The following RAB31 variants were observed in gnomAD, a reference collection of about 807,000 sequenced individuals.
RAB31 encodes RAB31, member RAS oncogene family.
In RAB31, 21 loss-of-function variants were observed where a neutral mutation model predicts 25.6. The ratio of observed to expected loss-of-function variants is 0.82; its 90% CI spans 0.58 to 1.18. RAB31 has a LOEUF of 1.18. Ranked by LOEUF, RAB31 falls within the 50% of genes most tolerant of loss-of-function variation. The pLI is 0.00. For missense variants in RAB31, 196 were observed against 250.1 expected, an observed-to-expected ratio of 0.78 and a Z score of 1.46; for synonymous variants, 87 against 84.0, an observed-to-expected ratio of 1.04 and a Z score of -0.20.
At chr18:9,741,582 G>A (rs1388715741) in intron 1 of RAB31, among the ~76,000 whole-genome samples, 1 of 152,048 alleles carries the variant, frequency 6.6e-6, no homozygotes, top group Non-Finnish European at 1.5e-5. Flanking sequence ...TTTCTGTGCT[G>A]GGAGGAAGGG....
At chr18:9,720,536 G>A (rs2068068781) in intron 1 of RAB31, among the ~76,000 whole-genome samples, 1 of 152,046 alleles carries the variant, frequency 6.6e-6, no homozygotes, top group Admixed American at 6.5e-5. Context: ...GTGCGGAGGG[G>A]GCGTGTCTGG....
intron 6 of RAB31, among the ~76,000 whole-genome samples, chr18:9,857,348 G>A (rs1333150489): frequency 6.6e-6 from 1 of 152,000 alleles, no homozygotes; most frequent in East Asian, 1.9e-4. Context: ...GGGTGTTTTG[G>A]TGCTCTATAT....
At chr18:9,821,768 C>A (rs2068625568) in intron 5 of RAB31, among the ~76,000 whole-genome samples, 1 of 152,002 alleles carries the variant, frequency 6.6e-6, no homozygotes, top group South Asian at 2.1e-4. Context: ...TATATAGGAG[C>A]TGTATGCTGA....
intron 1 of RAB31, 128 bp from the exon 2 acceptor site, chr18:9,775,150 T>C: frequency 7.0e-7 from 1 of 1,438,438 alleles, no homozygotes; most frequent in East Asian, 2.5e-5. Context: ...ATCCCCCCAC[T>C]CCCTCTCCCA....
intron 5 of RAB31, among the ~76,000 whole-genome samples, chr18:9,830,015 T>TTAA (rs201860083): frequency 4.0e-5 from 6 of 150,814 alleles, no homozygotes; most frequent in Non-Finnish European, 8.9e-5. Flanking sequence ...AATATTATTA[T>TTAA]TATTATTATT....
At chr18:9,840,168 G>A (rs1055457936) in intron 5 of RAB31, among the ~76,000 whole-genome samples, 1 of 152,194 alleles carries the variant, frequency 6.6e-6, no homozygotes, top group African/African-American at 2.4e-5. Context: ...GACAGGGCTG[G>A]CCTGGGGGGA....
chr18:9,773,649 C>T (rs1045725829), intron 1 of RAB31, among the ~76,000 whole-genome samples: 2 of 152,076 alleles, frequency 1.3e-5, no homozygotes, highest in Non-Finnish European at 2.9e-5. Context: ...TTAATTTCTG[C>T]CATCATATTT....
chr18:9,816,454 C>G (rs2215498), intron 5 of RAB31, among the ~76,000 whole-genome samples: 77,546 of 152,118 alleles, frequency 0.51, 20,673 homozygotes, highest in East Asian at 0.97. Context: ...CACAATTTTA[C>G]TAACACTTTC....
chr18:9,775,486 C>G, intron 2 of RAB31, 129 bp downstream of exon 2: 1 of 1,476,438 alleles, frequency 6.8e-7, no homozygotes, highest in Non-Finnish European at 9.1e-7. Flanking sequence ...TCAATCCCAG[C>G]TGTAGACCGA....
At chr18:9,812,922 C>T (rs1238143018) in intron 3 of RAB31, among the ~76,000 whole-genome samples, 1 of 151,560 alleles carries the variant, frequency 6.6e-6, no homozygotes, top group Non-Finnish European at 1.5e-5. Context: ...TTCTCAAACT[C>T]CTGACCTCGG....
At chr18:9,737,945 A>G (rs1282070858) in intron 1 of RAB31, among the ~76,000 whole-genome samples, 1 of 152,200 alleles carries the variant, frequency 6.6e-6, no homozygotes, top group Non-Finnish European at 1.5e-5. Context: ...GCTAACCAAC[A>G]AGACAGGCTT....
intron 1 of RAB31, among the ~76,000 whole-genome samples, chr18:9,740,230 CAT>C (rs1452223429): frequency 6.6e-6 from 1 of 152,232 alleles, no homozygotes; most frequent in Non-Finnish European, 1.5e-5. Context: ...TAATGCCAGT[CAT>C]ATGATGAGTT....
At chr18:9,797,133 T>G (rs2068490282) in intron 3 of RAB31, among the ~76,000 whole-genome samples, 1 of 152,226 alleles carries the variant, frequency 6.6e-6, no homozygotes, top group Non-Finnish European at 1.5e-5. Context: ...AGTCCTCAAA[T>G]GAGGTGACCC....
At position 9,861,348 on chromosome 18, in the gene RAB31, C is replaced by T. The variant is rs914088559; in HGVS notation, c.*2023C>T. 1 of 152,166 alleles carries T rather than the reference C, an allele frequency of 6.6e-6. No individual in the cohort carries two copies. Among genetic ancestry groups the T allele is most frequent in the African/African-American group, 2.4e-5 (1 of 41,418 alleles). 9.4% of individuals were successfully genotyped at this position (152,166 alleles called of 1,614,324 possible). ...AGTCTTTGCCACAGATAGTGAGCTA[C>T]CCACTAATGAGCCCATGGTTTTATT... On this transcript the variant is annotated 3_prime_UTR_variant, in exon 7 of 7. Coordinates refer to ENST00000578921, the MANE Select transcript of RAB31 (RefSeq NM_006868.4).
intron 2 of RAB31, among the ~76,000 whole-genome samples, chr18:9,783,376 C>T (rs1440452561): frequency 1.3e-5 from 2 of 152,122 alleles, no homozygotes; most frequent in Non-Finnish European, 2.9e-5. Context: ...TTTGGTTCCC[C>T]CCCCTTACCT....
chr18:9,833,343 A>G (rs989668425), intron 5 of RAB31, among the ~76,000 whole-genome samples: 1 of 152,038 alleles, frequency 6.6e-6, no homozygotes, highest in Non-Finnish European at 1.5e-5. Flanking sequence ...AGGGGCCCGG[A>G]AGTGTCAGGG....
chr18:9,723,317 G>C (rs1352718859), intron 1 of RAB31, among the ~76,000 whole-genome samples: 1 of 152,104 alleles, frequency 6.6e-6, no homozygotes, highest in Admixed American at 6.6e-5. Flanking sequence ...CAAAGTGCTA[G>C]GATTACAGGC....
intron 5 of RAB31, among the ~76,000 whole-genome samples, chr18:9,828,700 T>C (rs1269270061): frequency 6.6e-6 from 1 of 152,238 alleles, no homozygotes; most frequent in Non-Finnish European, 1.5e-5. Context: ...GTCTTGATAG[T>C]GAGCCACAGT....
intron 3 of RAB31, among the ~76,000 whole-genome samples, chr18:9,798,395 T>C (rs942876432): frequency 3.3e-5 from 5 of 152,352 alleles, no homozygotes; most frequent in Non-Finnish European, 5.9e-5. Flanking sequence ...CTTGTAATGA[T>C]GTTGCCTAAT....
Sources: gnomAD v4.1 joint callset for allele counts (sites outside exome capture counted in the v4.1 genomes callset) on GRCh38, gnomAD v4.1.1 for gene constraint, MANE v1.5 for transcripts, NCBI Gene and HGNC (gene_info 2026-07-23, HGNC 2026-07-21) for gene names.